The following EP400 variants were observed in gnomAD, a reference collection of about 807,000 sequenced individuals.
EP400 encodes E1A-binding protein p400.
EP400 carries 105 observed loss-of-function variants against 354.1 expected under a neutral mutation model. That is an observed-to-expected ratio of 0.30 (90% CI 0.25 to 0.35). EP400 has a LOEUF of 0.35. EP400 is among the 10% of genes least tolerant of loss of function. The probability of loss-of-function intolerance (pLI) is 1.00; values close to 1 mark genes in which losing one functional copy is unlikely to be tolerated. For missense variants in EP400, 3,280 were observed against 4,121.0 expected (o/e 0.80, Z 5.59); for synonymous variants, 1,646 against 1,716.9 (o/e 0.96, Z 1.02).
rs371559500 is a variant in EP400, at chr12:132,055,122, G to A, written c.7798G>A (p.Val2600Met). ...AGGTGCCGTGAGTGGAAATGTGATCGTGAACACCATCGCAGGGGTCCCAGC... is the reference window on the plus strand; with the variant it reads ...AGGTGCCGTGAGTGGAAATGTGATCATGAACACCATCGCAGGGGTCCCAGC... ...PTGAVSGNVI[V>M]NTIAGVPAAT... is the part of the protein sequence containing the mutation. Residue 2600 changes from valine to methionine, a missense_variant, in exon 45 of 53, where the codon GTG (valine) becomes ATG (methionine). Val to Met is a conservative substitution (Grantham distance 21). Transcript: ENST00000389561. The A allele has an allele frequency of 2.0e-5, 33 of 1,613,134 alleles. No individual in the cohort carries two copies. The East Asian group carries it at 3.3e-4, about 16-fold the overall frequency.
Position 131,996,021 on chromosome 12 carries a change from G to A in EP400, c.2827+1065G>A, listed in dbSNP as rs564546172. On this transcript the variant is annotated intron_variant, in intron 12 of 52. Coordinates refer to ENST00000389561, the MANE Select transcript of EP400 (RefSeq NM_015409.5). ...GAACGAATCCACCACAGTTTGATGG[G>A]CTTGCTCTCTCTACTCAGCCTGGAT... is the stretch of plus-strand genomic sequence containing the variant. 3.3e-5 allele frequency among the ~76,000 whole-genome samples: 5 copies of A among 152,338 alleles called. No homozygotes were observed. In the South Asian group the frequency reaches 8.3e-4, roughly 25 times the overall value.
At chr12:132,055,354 G>A (rs537099508) in intron 45 of EP400, 146 bp downstream of exon 45, 5 of 725,660 alleles carry the variant, frequency 6.9e-6, no homozygotes, top group African/African-American at 1.8e-5. Context: ...TAGCTGATCA[G>A]TATGTTGATT....
At chr12:131,988,821 T>C (rs1051828087) in intron 7 of EP400, among the ~76,000 whole-genome samples, 2 of 152,146 alleles carry the variant, frequency 1.3e-5, no homozygotes, top group African/African-American at 2.4e-5. Context: ...TTTTCTGTAC[T>C]CTTAACGCTA....
rs1172584752 is a variant in EP400, at chr12:132,017,312, G to T, written c.3924-223G>T. The stretch of plus-strand genomic sequence containing the variant: ...AAGTGGAGTGGCTGTCTTTCCGTCA[G>T]CTCTGGTGGGGCGGATGTCATTCTC... On this transcript the variant is annotated intron_variant, in intron 19 of 52. Transcript: ENST00000389561. This position sits in a 1 kb window ranked among gnomAD's most constrained non-coding sequence, Gnocchi z 5.0. Among the ~76,000 whole-genome samples the T allele has an allele frequency of 1.3e-5, 2 of 152,254 alleles. No homozygotes were observed. The highest frequency in any genetic ancestry group is 2.9e-5 in the Non-Finnish European group (2 of 68,054).
At chr12:132,033,219 A>G (rs568502493) in intron 30 of EP400, among the ~76,000 whole-genome samples, 1 of 152,268 alleles carries the variant, frequency 6.6e-6, no homozygotes, top group South Asian at 2.1e-4. Flanking sequence ...AAGTGCTGGG[A>G]TTATAGGTGT....
Position 132,069,598 on chromosome 12 carries a change from C to G in EP400, c.8978C>G (p.Ala2993Gly). ...TQFLTTPISQAQKLAGAQQVQ... is the reference protein window; with the variant it reads ...TQFLTTPISQGQKLAGAQQVQ... ...TTTCTTACCACACCCATCTCCCAGG[C>G]CCAGAAACTGGCCGGGGCCCAGCAA... The change falls in exon 51 of 53, where the codon GCC (alanine) becomes GGC (glycine). Residue 2993 changes from alanine to glycine, a missense_variant. By Grantham distance (60) the Ala-to-Gly change is moderately conservative. Coordinates refer to ENST00000389561, the MANE Select transcript of EP400 (RefSeq NM_015409.5). The G allele has an allele frequency of 6.2e-7, 1 of 1,614,252 alleles. No homozygotes were observed. Among genetic ancestry groups the G allele is most frequent in the Non-Finnish European group, 8.5e-7 (1 of 1,180,028 alleles).
rs1262035465 is a variant in EP400, at chr12:132,050,727, A to AC, written c.7394+72_7394+73insC. 1.0e-5 allele frequency: 16 copies of AC among 1,582,484 alleles called. No individual in the cohort carries two copies. The highest frequency in any genetic ancestry group is 1.4e-5 in the Non-Finnish European group (16 of 1,152,108). On this transcript the variant is annotated intron_variant, in intron 41 of 52. Transcript: ENST00000389561. The surrounding 1 kb of genome is among the most constrained non-coding windows in gnomAD (Gnocchi z 4.8). ...ATTCCAGTGTCATCTAAGTTCAGTGAGTTCAGCAAATCGTTGTGCACTTAG... is the reference window on the plus strand; with the variant it reads ...ATTCCAGTGTCATCTAAGTTCAGTGACGTTCAGCAAATCGTTGTGCACTTAG...
rs1286012062 is a variant in EP400 at position 131,982,075 on chromosome 12, A to C, written c.1544-18A>C. 1 of 1,502,770 alleles carries C rather than the reference A, an allele frequency of 6.7e-7. No homozygotes were observed. Among genetic ancestry groups the C allele is most frequent in the Admixed American group, 2.2e-5 (1 of 44,920 alleles). 93.1% of individuals were successfully genotyped at this position (1,502,770 alleles called of 1,614,324 possible). ...ACACTTGGGAATCAGTGCTTTTGGC[A>C]CTTTTCTTATTTTGCAGGAGGAATG... On this transcript the variant is annotated intron_variant, in intron 4 of 52. Transcript: ENST00000389561.
At position 131,982,494 on chromosome 12, in the gene EP400, G is replaced by A. The variant is rs983645841; in HGVS notation, c.1929+16G>A. ...CCTGCCACAGGTATGAGAAAAGATA[G>A]AGGAAAAAAAGAAAATGGTTTGCAG... On this transcript the variant is annotated intron_variant, in intron 5 of 52. Transcript: ENST00000389561. 3.8e-6 allele frequency: 6 copies of A among 1,575,682 alleles called. No homozygotes were observed. Among genetic ancestry groups the A allele is most frequent in the Admixed American group, 1.9e-5 (1 of 53,524 alleles).
chr12:132,074,170 C>T (rs1896157199), intron 51 of EP400, among the ~76,000 whole-genome samples: 1 of 151,826 alleles, frequency 6.6e-6, no homozygotes, highest in Non-Finnish European at 1.5e-5. Flanking sequence ...GGTGATCCAC[C>T]TGCCTCGGCC....
At chr12:131,956,984 G>A (rs1428452556) in intron 1 of EP400, among the ~76,000 whole-genome samples, 1 of 146,870 alleles carries the variant, frequency 6.8e-6, no homozygotes, top group Non-Finnish European at 1.5e-5. Flanking sequence ...CAATTCTCCT[G>A]CCTCAGCCTC....
At chr12:131,952,519 G>T (rs1023939177) in intron 1 of EP400, among the ~76,000 whole-genome samples, 3 of 151,988 alleles carry the variant, frequency 2.0e-5, no homozygotes, top group African/African-American at 7.2e-5. Flanking sequence ...CTGGAGTGCA[G>T]TGGCATGATC....
At chr12:131,998,051 T>C (rs1383163654) in intron 12 of EP400, among the ~76,000 whole-genome samples, 2 of 152,248 alleles carry the variant, frequency 1.3e-5, no homozygotes, top group Non-Finnish European at 2.9e-5. Context: ...GCCTATCTTT[T>C]CCCCACTGAT....
chr12:132,003,654 A>G (rs1202361967), intron 12 of EP400, among the ~76,000 whole-genome samples: 1 of 152,126 alleles, frequency 6.6e-6, no homozygotes, highest in African/African-American at 2.4e-5. Flanking sequence ...TACATATAGC[A>G]TCATATGCTG....
chr12:132,042,316 G>A (rs1042175841), intron 32 of EP400, among the ~76,000 whole-genome samples: 3 of 152,172 alleles, frequency 2.0e-5, no homozygotes, highest in Admixed American at 2.0e-4. Context: ...GCCTTTGTTT[G>A]ATACACTTGA....
intron 34 of EP400, 137 bp from the exon 35 acceptor site, chr12:132,044,040 T>C (rs1280429032): frequency 3.0e-5 from 37 of 1,253,308 alleles, no homozygotes; most frequent in Non-Finnish European, 4.0e-5. Context: ...CTGCTGCTTG[T>C]GGGGGTGATG....
intron 29 of EP400, among the ~76,000 whole-genome samples, chr12:132,030,779 C>G (rs947899129): frequency 6.6e-6 from 1 of 152,168 alleles, no homozygotes; most frequent in African/African-American, 2.4e-5. Context: ...AGTCAGTGTT[C>G]AGCAGAAGAG....
Position 132,017,504 on chromosome 12 carries a change from G to T in EP400, c.3924-31G>T. 5.0e-6 allele frequency: 8 copies of T among 1,609,454 alleles called. No individual in the cohort carries two copies. Among genetic ancestry groups the T allele is most frequent in the Non-Finnish European group, 6.8e-6 (8 of 1,178,014 alleles). Reference sequence around the variant, plus strand: ...ACTATGTCCATGTGCCGTTTGGATTGAATGCTTCGTGTTTCTTTCTCCACG... The same window carrying T: ...ACTATGTCCATGTGCCGTTTGGATTTAATGCTTCGTGTTTCTTTCTCCACG... On this transcript the variant is annotated intron_variant, in intron 19 of 52. Coordinates refer to ENST00000389561, the MANE Select transcript of EP400 (RefSeq NM_015409.5). This position sits in a 1 kb window ranked among gnomAD's most constrained non-coding sequence, Gnocchi z 5.0.
At chr12:131,992,366 C>G (rs1893068888) in intron 11 of EP400, 136 bp downstream of exon 11, 1 of 797,958 alleles carries the variant, frequency 1.3e-6, no homozygotes, top group Non-Finnish European at 2.0e-6. Flanking sequence ...ATCCAGATGT[C>G]TCTCAGTGTA....
Sources: gnomAD v4.1 joint callset for allele counts (sites outside exome capture counted in the v4.1 genomes callset) on GRCh38, gnomAD v4.1.1 for gene constraint, Gnocchi (gnomAD v3.1) non-coding constraint, MANE v1.5 for transcripts, NCBI Gene and HGNC (gene_info 2026-07-23, HGNC 2026-07-21) for gene names.